Variants in RPH3AL observed in about 807,000 individuals in gnomAD.
RPH3AL encodes rab effector Noc2.
In RPH3AL, 38 loss-of-function variants were observed where a neutral mutation model predicts 43.1. The observed-to-expected ratio is 0.88, with a 90% CI of 0.68 to 1.15. The LOEUF (loss-of-function observed/expected upper bound fraction) is 1.15. Ranked by LOEUF, RPH3AL falls within the 50% of genes most tolerant of loss-of-function variation. The pLI is 0.00. For missense variants in RPH3AL, 462 were observed against 423.2 expected (o/e 1.09, Z -0.81); for synonymous variants, 189 against 176.3 (o/e 1.07, Z -0.57).
intron 6 of RPH3AL, among the ~76,000 whole-genome samples, chr17:252,579 T>C (rs894851058): frequency 6.6e-6 from 1 of 152,156 alleles, no homozygotes; most frequent in Non-Finnish European, 1.5e-5. Flanking sequence ...CTCCACAGTT[T>C]GGATTTATTA....
At chr17:327,946 G>A (rs1408710365) in intron 2 of RPH3AL, among the ~76,000 whole-genome samples, 3 of 152,178 alleles carry the variant, frequency 2.0e-5, no homozygotes, top group African/African-American at 4.8e-5. Flanking sequence ...AGCAGGGGCC[G>A]AACTGAGCAC....
intron 3 of RPH3AL, among the ~76,000 whole-genome samples, chr17:324,850 T>C (rs1272488870): frequency 6.6e-6 from 1 of 152,118 alleles, no homozygotes; most frequent in Non-Finnish European, 1.5e-5. Context: ...CTCAGCCTCC[T>C]GAGCAGCTGG....
At chr17:244,875 G>A (rs748612167) in intron 7 of RPH3AL, among the ~76,000 whole-genome samples, 1 of 152,190 alleles carries the variant, frequency 6.6e-6, no homozygotes, top group African/African-American at 2.4e-5. Context: ...GTGCATATGA[G>A]TGCGAGTGTG....
At chr17:317,816 C>T (rs945400166) in intron 5 of RPH3AL, among the ~76,000 whole-genome samples, 1 of 152,188 alleles carries the variant, frequency 6.6e-6, no homozygotes, top group Non-Finnish European at 1.5e-5. Flanking sequence ...AAAATGCCCT[C>T]AAGTTTGCCA....
At chr17:221,524 A>G (rs1308868201) in intron 7 of RPH3AL, among the ~76,000 whole-genome samples, 2 of 51,400 alleles carry the variant, frequency 3.9e-5, no homozygotes, top group Non-Finnish European at 7.0e-5. Context: ...GAGACAATAG[A>G]CCCAAGCACA....
chr17:304,950 AGGGGGACAGGGCGAGAG>A (rs1426597842), intron 5 of RPH3AL, among the ~76,000 whole-genome samples: 46 of 40,332 alleles, frequency 1.1e-3, no homozygotes, highest in African/African-American at 1.3e-3. Context: ...ACAGGGCGAG[AGGGGGACAGGGCGAGAG>A]GGGGACAGGG....
chr17:316,310 A>T (rs1342158973), intron 5 of RPH3AL, among the ~76,000 whole-genome samples: 1 of 127,112 alleles, frequency 7.9e-6, no homozygotes, highest in African/African-American at 3.0e-5. Flanking sequence ...ACCTCCATTG[A>T]CCTGTAGTCC....
At chr17:303,318 A>AGG (rs1445402005) in intron 5 of RPH3AL, among the ~76,000 whole-genome samples, 1 of 151,920 alleles carries the variant, frequency 6.6e-6, no homozygotes, top group Non-Finnish European at 1.5e-5. Context: ...TGGAGCCCAG[A>AGG]GGGGTGAGGC....
chr17:332,690 C>T (rs147041821), intron 2 of RPH3AL: 37 of 242,726 alleles, frequency 1.5e-4, no homozygotes, highest in Middle Eastern at 1.6e-3. Context: ...CCGTTTGTCC[C>T]TCAAGATTCC....
In RPH3AL at chr17:245,403, G is replaced by GTGTGTGTGCATGGTGA. The variant is rs2041737956; in HGVS notation, c.613+1707_613+1708insTCACCATGCACACACA. Among the ~76,000 whole-genome samples the GTGTGTGTGCATGGTGA allele has an allele frequency of 7.1e-6, 1 of 141,182 alleles. No homozygotes were observed. The highest frequency in any genetic ancestry group is 1.6e-5 in the Non-Finnish European group (1 of 63,436). The allele number at this position is 141,182 out of a possible 152,430, so 92.6% of individuals were successfully genotyped here. On this transcript the variant is annotated intron_variant, in intron 7 of 9. Coordinates refer to ENST00000331302, the MANE Select transcript of RPH3AL (RefSeq NM_006987.4). The surrounding 1 kb of genome is among the most constrained non-coding windows in gnomAD (Gnocchi z 5.9). ...TGTCAGTGTGTGTGTGGATATCAGT[G>GTGTGTGTGCATGGTGA]TGTGTGTGTGCATGGTGATGTGTGT...
intron 6 of RPH3AL, among the ~76,000 whole-genome samples, chr17:267,601 G>A (rs1015287796): frequency 6.6e-6 from 1 of 152,220 alleles, no homozygotes; most frequent in African/African-American, 2.4e-5. Context: ...GGTGCAGAGC[G>A]GGCGGCCTGC....
Position 245,378 on chromosome 17 carries a change from T to C in RPH3AL, c.613+1733A>G, listed in dbSNP as rs2041736127. ...GTGGATGTCAGTGTGTGTGTGTGGATGTCAGTGTGTGTGTGGATATCAGTG... is the reference window on the plus strand; with the variant it reads ...GTGGATGTCAGTGTGTGTGTGTGGACGTCAGTGTGTGTGTGGATATCAGTG... On this transcript the variant is annotated intron_variant, in intron 7 of 9. Coordinates refer to ENST00000331302, the MANE Select transcript of RPH3AL (RefSeq NM_006987.4). The surrounding 1 kb of genome is among the most constrained non-coding windows in gnomAD (Gnocchi z 5.9). Among the ~76,000 whole-genome samples, 1 of 149,428 alleles carries C rather than the reference T, an allele frequency of 6.7e-6. No individual in the cohort carries two copies. Among genetic ancestry groups the C allele is most frequent in the Non-Finnish European group, 1.5e-5 (1 of 67,324 alleles).
rs894177769 is a variant in RPH3AL, at chr17:322,017, A to C, written c.78-602T>G. 2.6e-5 allele frequency among the ~76,000 whole-genome samples: 4 copies of C among 152,192 alleles called. No individual in the cohort carries two copies. The highest frequency in any genetic ancestry group is 5.9e-5 in the Non-Finnish European group (4 of 68,020). On this transcript the variant is annotated intron_variant, in intron 3 of 9. Transcript: ENST00000331302. This position sits in a 1 kb window ranked among gnomAD's most constrained non-coding sequence, Gnocchi z 4.0. ...CACCAGGGGACAGGAAAGCCATGTA[A>C]TTAGGGTGAAGACACAGCGTTGATA... is the stretch of plus-strand genomic sequence containing the variant.
At chr17:331,261 C>A in intron 2 of RPH3AL, 2 of 225,234 alleles carry the variant, frequency 8.9e-6, no homozygotes, top group Non-Finnish European at 1.8e-5. Flanking sequence ...GCCACAGAGC[C>A]AAATGCTGCA....
At chr17:315,840 CA>C (rs2044099228) in intron 5 of RPH3AL, among the ~76,000 whole-genome samples, 1 of 151,488 alleles carries the variant, frequency 6.6e-6, no homozygotes, top group Admixed American at 6.6e-5. Context: ...CCTGTGCCCC[CA>C]CCTCCATTGA....
chr17:227,512 C>T lies in RPH3AL; in HGVS notation c.614-7776G>A, dbSNP rs911884208. 4.6e-5 allele frequency among the ~76,000 whole-genome samples: 7 copies of T among 152,230 alleles called. No individual in the cohort carries two copies. The East Asian group carries it at 9.6e-4, about 21-fold the overall frequency. ...CCTGCTTCCAGGCTCTGCTCAGCCACCACCTGTCTCTGTGGCCCCAGGCAT... is the reference window on the plus strand; with the variant it reads ...CCTGCTTCCAGGCTCTGCTCAGCCATCACCTGTCTCTGTGGCCCCAGGCAT... On this transcript the variant is annotated intron_variant, in intron 7 of 9. Coordinates refer to ENST00000331302, the MANE Select transcript of RPH3AL (RefSeq NM_006987.4).
rs768394903 is a variant in RPH3AL at position 274,983 on chromosome 17, C to T, written c.438+6785G>A. On this transcript the variant is annotated intron_variant, in intron 6 of 9. Coordinates refer to ENST00000331302, the MANE Select transcript of RPH3AL (RefSeq NM_006987.4). The surrounding 1 kb of genome is among the most constrained non-coding windows in gnomAD (Gnocchi z 4.7). ...TGGAGAACAGAATCGAAACTTACAC[C>T]GGAGGGGAAAGAGCAGACGTGGTCA... Among the ~76,000 whole-genome samples the T allele has an allele frequency of 1.1e-4, 16 of 152,080 alleles. No homozygotes were observed. Among genetic ancestry groups the T allele is most frequent in the African/African-American group, 2.9e-4 (12 of 41,406 alleles).
intron 5 of RPH3AL, among the ~76,000 whole-genome samples, chr17:315,299 G>C (rs74201509): frequency 0.058 from 452 of 7,798 alleles, no homozygotes; most frequent in South Asian, 0.13. Context: ...CCCACCTCCA[G>C]TGACCTGTAG....
intron 6 of RPH3AL, among the ~76,000 whole-genome samples, chr17:248,515 C>G (rs1054179259): frequency 1.1e-4 from 16 of 152,042 alleles, no homozygotes; most frequent in Non-Finnish European, 2.2e-4. Context: ...TGAGAGTCAC[C>G]CTAAAGCTGG....
Sources: gnomAD v4.1 joint callset for allele counts (sites outside exome capture counted in the v4.1 genomes callset) on GRCh38, gnomAD v4.1.1 for gene constraint, Gnocchi (gnomAD v3.1) non-coding constraint, MANE v1.5 for transcripts, NCBI Gene and HGNC (gene_info 2026-07-23, HGNC 2026-07-21) for gene names.